EIF2AK4: variants seen among roughly 807,000 people sequenced by gnomAD.
EIF2AK4 encodes eukaryotic translation initiation factor 2 alpha kinase 4, also known as eIF-2-alpha kinase GCN2.
A neutral mutation model predicts 211.1 loss-of-function variants in EIF2AK4; 139 were observed. The ratio of observed to expected loss-of-function variants is 0.66; its 90% CI spans 0.57 to 0.76. The LOEUF (loss-of-function observed/expected upper bound fraction) is 0.76. Ranked by LOEUF, EIF2AK4 falls within the 30% of genes least tolerant of loss-of-function variation. The pLI is 0.00. For synonymous variants in EIF2AK4, 710 were observed against 751.3 expected (o/e 0.94, Z 0.90); for missense variants, 1,664 against 2,043.8 (o/e 0.81, Z 3.58).
rs752068572 is a variant in EIF2AK4, at chr15:39,976,432, G to A, written c.1837G>A (p.Gly613Ser). 3.1e-6 allele frequency: 5 copies of A among 1,603,750 alleles called. No individual in the cohort carries two copies. In the South Asian group the frequency reaches 3.4e-5, roughly 11 times the overall value. The change falls in exon 12 of 39, where the codon GGC (glycine) becomes AGC (serine). Residue 613 changes from glycine (G) to serine (S), a missense_variant. Physicochemically the swap from Gly to Ser is moderately conservative, Grantham distance 56 (BLOSUM62 0). Transcript: ENST00000263791. ...AVIKVQNKLD[G>S]CCYAVKRIPI... The stretch of plus-strand genomic sequence containing the variant: ...GCCGCAGGTGCAGAACAAGTTGGAC[G>A]GCTGCTGCTACGCAGTGAAGCGCAT...
chr15:40,023,350 T>A (rs1197115146), intron 32 of EIF2AK4, among the ~76,000 whole-genome samples: 1 of 152,030 alleles, frequency 6.6e-6, no homozygotes, highest in Non-Finnish European at 1.5e-5. Context: ...CTCTTCTAAT[T>A]TTTTTTTGGT....
intron 36 of EIF2AK4, 106 bp from the exon 37 acceptor site, chr15:40,032,651 T>A: frequency 9.9e-7 from 1 of 1,010,416 alleles, no homozygotes; most frequent in Non-Finnish European, 1.5e-6. Flanking sequence ...CAATAGCATC[T>A]CAGACTCTGC....
At chr15:39,958,107 A>G (rs940440126) in intron 6 of EIF2AK4, among the ~76,000 whole-genome samples, 1 of 152,340 alleles carries the variant, frequency 6.6e-6, no homozygotes, top group Non-Finnish European at 1.5e-5. Context: ...TAGCTATTTT[A>G]ATGTGTACAG....
At chr15:40,009,014 C>G (rs1326876813) in intron 25 of EIF2AK4, among the ~76,000 whole-genome samples, 4 of 152,260 alleles carry the variant, frequency 2.6e-5, no homozygotes, top group African/African-American at 9.6e-5. Context: ...ATCCTTCTGT[C>G]TTTGAAATCA....
chr15:39,947,931 T>C (rs1190794127), intron 3 of EIF2AK4, among the ~76,000 whole-genome samples: 1 of 152,256 alleles, frequency 6.6e-6, no homozygotes, highest in Non-Finnish European at 1.5e-5. Flanking sequence ...ACAGCTTGGC[T>C]CCTGCCTCCT....
At chr15:40,016,303 C>T (rs1178055068) in intron 27 of EIF2AK4, among the ~76,000 whole-genome samples, 199 bp from the exon 28 acceptor site, 1 of 152,224 alleles carries the variant, frequency 6.6e-6, no homozygotes, top group Non-Finnish European at 1.5e-5. Flanking sequence ...GTGTCTAAAG[C>T]ATTCCTGCAA....
At chr15:39,995,278 A>G (rs1400900697) in intron 18 of EIF2AK4, among the ~76,000 whole-genome samples, 1 of 152,232 alleles carries the variant, frequency 6.6e-6, no homozygotes, top group Non-Finnish European at 1.5e-5. Flanking sequence ...GCCAACACGT[A>G]TAGGAAATGC....
intron 7 of EIF2AK4, among the ~76,000 whole-genome samples, chr15:39,962,309 A>G (rs763671004): frequency 2.0e-5 from 3 of 152,250 alleles, no homozygotes; most frequent in Non-Finnish European, 4.4e-5. Flanking sequence ...TATTATTAAC[A>G]TAACGATCAT....
In EIF2AK4 at chr15:40,017,100, C is replaced by G. The variant is rs1334756653; in HGVS notation, c.3931-8C>G. On this transcript the variant is annotated splice_polypyrimidine_tract_variant and splice_region_variant and intron_variant, in intron 28 of 38. Coordinates refer to ENST00000263791, the MANE Select transcript of EIF2AK4 (RefSeq NM_001013703.4). Reference sequence around the variant, plus strand: ...CTTGACACATTTGTGTGGCATCTCTCTTTATAGGTCTTGATCAATTTGGGC... The same window carrying G: ...CTTGACACATTTGTGTGGCATCTCTGTTTATAGGTCTTGATCAATTTGGGC... 18 of 1,609,186 alleles carry G rather than the reference C, an allele frequency of 1.1e-5. No individual in the cohort carries two copies. Among genetic ancestry groups the G allele is most frequent in the Non-Finnish European group, 1.4e-5 (17 of 1,175,980 alleles).
chr15:40,030,283 C>G (rs1238138635), intron 34 of EIF2AK4, 76 bp from the exon 35 acceptor site: 1 of 1,403,680 alleles, frequency 7.1e-7, no homozygotes, highest in Non-Finnish European at 9.9e-7. Context: ...CTAATAAACT[C>G]TGCCATCTCT....
Position 40,023,017 on chromosome 15 carries a change from G to A in EIF2AK4, c.4389+412G>A, listed in dbSNP as rs567048796. On this transcript the variant is annotated intron_variant, in intron 32 of 38. Transcript: ENST00000263791. ...GCTGGGATTACAGGGGTCAGCCACC[G>A]CGCCCGGCCGTTGTTGGGTTTCTTG... Among the ~76,000 whole-genome samples the A allele has an allele frequency of 2.6e-4, 40 of 152,244 alleles. 2 individuals are homozygous for A. The South Asian group carries it at 7.5e-3, about 28-fold the overall frequency.
rs1041394609 is a variant in EIF2AK4, at chr15:40,035,416, G to C, written c.*332G>C. 7.5e-5 allele frequency: 13 copies of C among 173,320 alleles called. No homozygotes were observed. The highest frequency in any genetic ancestry group is 3.1e-4 in the African/African-American group (13 of 42,134). 10.7% of individuals were successfully genotyped at this position (173,320 alleles called of 1,614,324 possible). ...CAGGAGGTTGAGGCTGCAGTGAGCT[G>C]TGACTGCGCCACTGCACTCCAGTCT... On this transcript the variant is annotated 3_prime_UTR_variant, in exon 39 of 39. Transcript: ENST00000263791.
At chr15:39,965,876 G>A (rs2034537515) in intron 8 of EIF2AK4, 33 bp downstream of exon 8, 21 of 1,610,812 alleles carry the variant, frequency 1.3e-5, no homozygotes, top group Non-Finnish European at 1.7e-5. Context: ...TGAGCAAAAG[G>A]CCTAATCTCA....
chr15:40,016,398 G>C (rs560728192), intron 27 of EIF2AK4, 104 bp from the exon 28 acceptor site: 1 of 1,337,978 alleles, frequency 7.5e-7, no homozygotes, highest in African/African-American at 1.5e-5. Context: ...AAAGATAATC[G>C]TAGCATCCCA....
intron 3 of EIF2AK4, among the ~76,000 whole-genome samples, chr15:39,943,752 C>T (rs995271653): frequency 3.3e-5 from 5 of 151,818 alleles, no homozygotes; most frequent in African/African-American, 1.2e-4. Flanking sequence ...TCACTTGAGC[C>T]CAGAAGTTTG....
chr15:39,998,944 G>C (rs887225830), intron 20 of EIF2AK4, among the ~76,000 whole-genome samples, 160 bp downstream of exon 20: 2 of 152,060 alleles, frequency 1.3e-5, no homozygotes, highest in Non-Finnish European at 2.9e-5. Context: ...AATGTCATTA[G>C]ACTTGAACTA....
In EIF2AK4 at chr15:39,976,478, G is replaced by C; in HGVS notation, c.1883G>C (p.Arg628Pro). 1 of 1,611,398 alleles carries C rather than the reference G, an allele frequency of 6.2e-7. No homozygotes were observed. The highest frequency in any genetic ancestry group is 8.5e-7 in the Non-Finnish European group (1 of 1,179,324). Residue 628 changes from arginine (R) to proline (P), a missense_variant, in exon 12 of 39, where the codon CGG becomes CCG. Arg to Pro is a moderately radical substitution (Grantham distance 103). Transcript: ENST00000263791. ...VKRIPINPAS[R>P]QFRRIKGEVT... ...CGCATCCCCATCAACCCGGCCAGCCGGCAGTTCCGCAGGATCAAGGGCGAA... is the reference window on the plus strand; with the variant it reads ...CGCATCCCCATCAACCCGGCCAGCCCGCAGTTCCGCAGGATCAAGGGCGAA...
chr15:39,994,887 G>A (rs1044429525), intron 18 of EIF2AK4, among the ~76,000 whole-genome samples: 3 of 152,044 alleles, frequency 2.0e-5, no homozygotes, highest in African/African-American at 7.2e-5. Context: ...TTTCGCCCAG[G>A]CTGGAGCACA....
intron 36 of EIF2AK4, among the ~76,000 whole-genome samples, chr15:40,032,452 A>G (rs2035556373): frequency 6.6e-6 from 1 of 152,212 alleles, no homozygotes; most frequent in Admixed American, 6.5e-5. Context: ...GATAGAGGAA[A>G]ATGAAAACAA....
Sources: gnomAD v4.1 joint callset for allele counts (sites outside exome capture counted in the v4.1 genomes callset) on GRCh38, gnomAD v4.1.1 for gene constraint, MANE v1.5 for transcripts, NCBI Gene and HGNC (gene_info 2026-07-23, HGNC 2026-07-21) for gene names.